The following TMEM178B variants were observed in gnomAD, a reference collection of about 807,000 sequenced individuals.
TMEM178B encodes the protein transmembrane protein 178B.
In TMEM178B, 5 loss-of-function variants were observed where a neutral mutation model predicts 31.0. The observed-to-expected ratio is 0.16, with a 90% CI of 0.08 to 0.34. TMEM178B has a LOEUF of 0.34. Among genes scored for constraint, TMEM178B ranks in the 10% least tolerant of loss-of-function variants. The pLI is 1.00. For missense variants in TMEM178B, 275 were observed against 400.3 expected (o/e 0.69, Z 2.67); for synonymous variants, 164 against 164.0 (o/e 1.00, Z 0.00).
At chr7:141,218,509 T>C (rs73167464) in intron 2 of TMEM178B, among the ~76,000 whole-genome samples, 6,548 of 152,292 alleles carry the variant, frequency 0.043, 323 homozygotes, top group East Asian at 0.18. Flanking sequence ...CTCTCACCAC[T>C]GCCTGTGGGT....
intron 2 of TMEM178B, among the ~76,000 whole-genome samples, chr7:141,322,577 G>T (rs1327151444): frequency 6.6e-6 from 1 of 152,110 alleles, no homozygotes; most frequent in African/African-American, 2.4e-5. Flanking sequence ...AAAGAATACA[G>T]AGTCATAGGA....
rs1468803564 is a variant in TMEM178B, at chr7:141,363,420, C to T, written c.497-74188C>T. Among the ~76,000 whole-genome samples the T allele has an allele frequency of 4.6e-5, 7 of 152,300 alleles. No homozygotes were observed. The East Asian group carries it at 1.2e-3, about 25-fold the overall frequency. ...CTTCCACACGTGGCCTTGTAGGACC[C>T]TCCCAGTAAGTAACCTTCTGGAGTT... is the stretch of plus-strand genomic sequence containing the variant. On this transcript the variant is annotated intron_variant, in intron 2 of 3. Transcript: ENST00000565468.
intron 1 of TMEM178B, among the ~76,000 whole-genome samples, chr7:141,186,762 C>T (rs913094444): frequency 3.2e-4 from 48 of 152,232 alleles, no homozygotes; most frequent in Admixed American, 7.8e-4. Context: ...TTCCCAGGGA[C>T]GGTGAGTAGC....
chr7:141,482,325 G>A (rs1254334479), downstream of TMEM178B, among the ~76,000 whole-genome samples: 3 of 152,054 alleles, frequency 2.0e-5, no homozygotes, highest in Non-Finnish European at 4.4e-5. Flanking sequence ...CACCCACCTG[G>A]GCGAAGAGCT....
intron 2 of TMEM178B, among the ~76,000 whole-genome samples, chr7:141,245,232 G>A (rs1192933371): frequency 2.1e-5 from 3 of 145,656 alleles, no homozygotes; most frequent in Non-Finnish European, 4.5e-5. Flanking sequence ...AGGGGAGGTA[G>A]GAGGAGAGCC....
intron 1 of TMEM178B, among the ~76,000 whole-genome samples, chr7:141,092,167 A>G (rs1294216340): frequency 1.3e-5 from 2 of 152,182 alleles, no homozygotes; most frequent in African/African-American, 4.8e-5. Flanking sequence ...TTGGCCTCAA[A>G]TATTTCTTGA....
chr7:141,490,288 C>T, the TMEM178B span, among the ~76,000 whole-genome samples: 3 of 152,220 alleles, frequency 2.0e-5, no homozygotes, highest in South Asian at 2.1e-4. Flanking sequence ...TTTGGAAATA[C>T]GGTCTTTGCA....
At chr7:141,439,816 C>G (rs1801625005) in intron 3 of TMEM178B, among the ~76,000 whole-genome samples, 1 of 152,204 alleles carries the variant, frequency 6.6e-6, no homozygotes, top group Non-Finnish European at 1.5e-5. Context: ...GAGGCTCCTT[C>G]ATGGTTTTTC....
intron 2 of TMEM178B, among the ~76,000 whole-genome samples, chr7:141,295,582 C>G (rs1365832104): frequency 1.3e-5 from 2 of 152,172 alleles, no homozygotes. Context: ...TATGAAGAGG[C>G]AGAAGCAGCA....
intron 2 of TMEM178B, among the ~76,000 whole-genome samples, chr7:141,244,331 G>A (rs1214982741): frequency 1.3e-5 from 2 of 152,224 alleles, no homozygotes; most frequent in African/African-American, 2.4e-5. Context: ...GCAAATAAAT[G>A]CATCAGACAT....
chr7:141,178,455 A>T (rs1796467689), intron 1 of TMEM178B, among the ~76,000 whole-genome samples: 1 of 152,224 alleles, frequency 6.6e-6, no homozygotes, highest in African/African-American at 2.4e-5. Context: ...TTGACATATG[A>T]GCTGGACCAC....
chr7:141,238,022 TAA>T lies in TMEM178B; in HGVS notation c.496+25336_496+25337del, dbSNP rs1207360561. Among the ~76,000 whole-genome samples the T allele has an allele frequency of 5.3e-3, 597 of 111,614 alleles. 1 individual carries two copies. The highest frequency in any genetic ancestry group is 0.019 in the African/African-American group (501 of 26,934). 73.2% of individuals were successfully genotyped at this position (111,614 alleles called of 152,430 possible). On this transcript the variant is annotated intron_variant, in intron 2 of 3. Transcript: ENST00000565468. ...CTGGGTGACAGAGCAAGACTCTGTCTAAAAAAAAAAAAAAAAAAAGGAAATTA... is the reference window on the plus strand; with the variant it reads ...CTGGGTGACAGAGCAAGACTCTGTCTAAAAAAAAAAAAAAAAAGGAAATTA...
intron 1 of TMEM178B, among the ~76,000 whole-genome samples, chr7:141,174,427 C>T (rs927279686): frequency 4.6e-5 from 7 of 152,052 alleles, no homozygotes; most frequent in South Asian, 2.1e-4. Flanking sequence ...AACATAAGTG[C>T]GCATGTGTCT....
At chr7:141,120,991 A>G (rs749284795) in intron 1 of TMEM178B, among the ~76,000 whole-genome samples, 1 of 151,336 alleles carries the variant, frequency 6.6e-6, no homozygotes, top group Non-Finnish European at 1.5e-5. Flanking sequence ...TTATTATTAT[A>G]ATTATATACT....
At chr7:141,174,834 T>C (rs1796402023) in intron 1 of TMEM178B, among the ~76,000 whole-genome samples, 1 of 152,238 alleles carries the variant, frequency 6.6e-6, no homozygotes, top group African/African-American at 2.4e-5. Context: ...TAAATCTGTT[T>C]AAGTTCTTTG....
rs987614976 is a variant in TMEM178B, at chr7:141,473,986, C to G, written c.*3200C>G. 1.3e-5 allele frequency: 2 copies of G among 152,170 alleles called. No homozygotes were observed. The highest frequency in any genetic ancestry group is 2.9e-5 in the Non-Finnish European group (2 of 68,040). The allele number at this position is 152,170 out of a possible 1,614,324, so 9.4% of individuals were successfully genotyped here. On this transcript the variant is annotated 3_prime_UTR_variant, in exon 4 of 4. Transcript: ENST00000565468. The stretch of plus-strand genomic sequence containing the variant: ...GACTTGTGAGGCTCTGTAGGTCAGA[C>G]TCTGCTAACTCCAAATCAAAGTGGA...
At chr7:141,391,011 G>A (rs751431406) in intron 2 of TMEM178B, among the ~76,000 whole-genome samples, 2 of 152,150 alleles carry the variant, frequency 1.3e-5, no homozygotes, top group African/African-American at 4.8e-5. Flanking sequence ...AAGTGAATGC[G>A]ATTTGACAGA....
chr7:141,123,866 C>T (rs977824576), intron 1 of TMEM178B, among the ~76,000 whole-genome samples: 2 of 151,118 alleles, frequency 1.3e-5, no homozygotes, highest in Non-Finnish European at 2.9e-5. Flanking sequence ...GATCCATCCA[C>T]CTCAGCTTCC....
intron 2 of TMEM178B, among the ~76,000 whole-genome samples, chr7:141,425,028 T>G (rs948625932): frequency 1.8e-4 from 27 of 152,290 alleles, no homozygotes; most frequent in African/African-American, 6.5e-4. Flanking sequence ...TAAAATCTCT[T>G]TGTCTCAATT....
Sources: allele counts gnomAD v4.1 joint callset (sites outside exome capture counted in the v4.1 genomes callset), GRCh38; gene constraint gnomAD v4.1.1; transcripts MANE v1.5; gene names NCBI Gene and HGNC (gene_info 2026-07-23, HGNC 2026-07-21).